The following AASDHPPT variants were observed in gnomAD, a reference collection of about 807,000 sequenced individuals.
AASDHPPT encodes the protein aminoadipate-semialdehyde dehydrogenase-phosphopantetheinyl transferase, also known as L-aminoadipate-semialdehyde dehydrogenase-phosphopantetheinyl transferase.
Under a neutral mutation model 36.4 loss-of-function variants are expected in AASDHPPT, and 23 were observed. That is an observed-to-expected ratio of 0.63 (90% confidence interval 0.45 to 0.89). The LOEUF is 0.89. Among genes scored for constraint, AASDHPPT ranks in the 40% least tolerant of loss-of-function variants. The pLI is 0.00. For synonymous variants in AASDHPPT, 115 were observed against 128.0 expected, an observed-to-expected ratio of 0.90 and a Z score of 0.68; for missense variants, 377 against 378.2, an observed-to-expected ratio of 1.00 and a Z score of 0.03.
At chr11:106,088,176 T>C (rs900225799) in intron 2 of AASDHPPT, among the ~76,000 whole-genome samples, 10 of 152,078 alleles carry the variant, frequency 6.6e-5, no homozygotes, top group African/African-American at 2.4e-4. Context: ...ACATAATGAG[T>C]TATGTGATTG....
chr11:106,096,851 T>C lies in AASDHPPT; in HGVS notation c.874T>C (p.Trp292Arg). 1.2e-6 allele frequency: 2 copies of C among 1,612,108 alleles called. No individual in the cohort carries two copies. The highest frequency in any genetic ancestry group is 1.7e-6 in the Non-Finnish European group (2 of 1,179,174). Residue 292 changes from tryptophan to arginine, a missense_variant, in exon 6 of 6, where the codon TGG becomes CGG. Coordinates refer to ENST00000278618, the MANE Select transcript of AASDHPPT (RefSeq NM_015423.3). The part of the protein sequence containing the change: ...VPMTPEDPSF[W>R]DCFCFTEEIP... The stretch of plus-strand genomic sequence containing the variant: ...CATGACACCTGAAGATCCTTCATTT[T>C]GGGACTGTTTTTGCTTCACAGAAGA...
rs1861324612 is a variant in AASDHPPT, at chr11:106,097,216, T to C, written c.*309T>C. The C allele has an allele frequency of 4.7e-6, 1 of 211,704 alleles. No homozygotes were observed. The allele number at this position is 211,704 out of a possible 1,614,324, so 13.1% of individuals were successfully genotyped here. A position where few individuals can be genotyped will look rare whatever the true frequency, so the allele number is the denominator to read the frequency against. ...AAAAGGAAACATTTAAATGCTATCTTTCAAAGATAACTACTCTTAAAACCT... is the reference window on the plus strand; with the variant it reads ...AAAAGGAAACATTTAAATGCTATCTCTCAAAGATAACTACTCTTAAAACCT... On this transcript the variant is annotated 3_prime_UTR_variant, in exon 6 of 6. Transcript: ENST00000278618.
chr11:106,093,148 T>C (rs528654044), intron 4 of AASDHPPT: 16 of 152,282 alleles, frequency 1.1e-4, no homozygotes, highest in African/African-American at 3.8e-4. Flanking sequence ...GGACTAGATG[T>C]GGTGGTTCAT....
At position 106,094,483 on chromosome 11, in the gene AASDHPPT, T is replaced by G. The variant is rs964864691; in HGVS notation, c.694-100T>G. The G allele has an allele frequency of 3.7e-6, 3 of 816,602 alleles. No individual in the cohort carries two copies. In the African/African-American group the frequency reaches 5.2e-5, roughly 14 times the overall value. 50.6% of individuals were successfully genotyped at this position (816,602 alleles called of 1,614,324 possible). A position where few individuals can be genotyped will look rare whatever the true frequency, so the allele number is the denominator to read the frequency against. ...GTGTGAGTGTACGTATATGTATATA[T>G]ATATAGAGAGAGAGAGAATGAGATT... On this transcript the variant is annotated intron_variant, in intron 4 of 5. Transcript: ENST00000278618.
intron 5 of AASDHPPT, among the ~76,000 whole-genome samples, chr11:106,095,192 T>C (rs1861301029): frequency 6.6e-6 from 1 of 152,144 alleles, no homozygotes; most frequent in Non-Finnish European, 1.5e-5. Flanking sequence ...AAAAAAAATA[T>C]GGTAGTACTA....
chr11:106,080,378 T>C (rs2135035517), intron 2 of AASDHPPT, among the ~76,000 whole-genome samples: 1 of 152,294 alleles, frequency 6.6e-6, no homozygotes, highest in Non-Finnish European at 1.5e-5. Flanking sequence ...TTTTAGCCCA[T>C]TTATGTAAGT....
chr11:106,080,702 A>G (rs1047518708), intron 2 of AASDHPPT, among the ~76,000 whole-genome samples: 11 of 152,216 alleles, frequency 7.2e-5, no homozygotes, highest in Non-Finnish European at 1.5e-4. Flanking sequence ...GGCTAAGAAG[A>G]AAGCTATTAA....
At position 106,094,600 on chromosome 11, in the gene AASDHPPT, G is replaced by C; in HGVS notation, c.711G>C (p.Glu237Asp). ...EWAFEESKIDEHHFVAVALRK... is the reference protein window; with the variant it reads ...EWAFEESKIDDHHFVAVALRK... ...TCTTTCAGGAAAGCAAAATAGATGA[G>C]CACCATTTTGTTGCAGTTGCTCTTA... The change falls in exon 5 of 6, where the codon GAG (glutamate) becomes GAC (aspartate). Residue 237 changes from glutamate to aspartate, a missense_variant. Coordinates refer to ENST00000278618, the MANE Select transcript of AASDHPPT (RefSeq NM_015423.3). 1 of 1,606,984 alleles carries C rather than the reference G, an allele frequency of 6.2e-7. No homozygotes were observed. The highest frequency in any genetic ancestry group is 8.5e-7 in the Non-Finnish European group (1 of 1,176,682).
chr11:106,082,186 G>A (rs907943173), intron 2 of AASDHPPT, among the ~76,000 whole-genome samples: 1 of 152,000 alleles, frequency 6.6e-6, no homozygotes, highest in African/African-American at 2.4e-5. Context: ...TTGTGAAAAA[G>A]CTGTTGCTAT....
At chr11:106,079,291 C>CT (rs1030516655) in intron 1 of AASDHPPT, among the ~76,000 whole-genome samples, 176 bp from the exon 2 acceptor site, 45 of 152,242 alleles carry the variant, frequency 3.0e-4, no homozygotes, top group African/African-American at 1.1e-3. Flanking sequence ...CGGGCTTTAA[C>CT]TTTTTATCTA....
intron 5 of AASDHPPT, among the ~76,000 whole-genome samples, chr11:106,094,900 C>T (rs959989799): frequency 9.9e-5 from 15 of 152,002 alleles, no homozygotes; most frequent in Admixed American, 5.2e-4. Context: ...CTGAGGCAGG[C>T]GGATCACCTG....
chr11:106,092,935 C>T (rs913533437), intron 4 of AASDHPPT: 2 of 152,128 alleles, frequency 1.3e-5, no homozygotes, highest in Non-Finnish European at 2.9e-5. Flanking sequence ...GTATTAAGTG[C>T]ATTTTCCATG....
intron 2 of AASDHPPT, among the ~76,000 whole-genome samples, chr11:106,082,436 G>C (rs1478208657): frequency 1.3e-5 from 2 of 152,170 alleles, no homozygotes; most frequent in African/African-American, 4.8e-5. Flanking sequence ...ACTTAGGAGA[G>C]CAGCAAGGAA....
chr11:106,087,814 C>G (rs1861211816), intron 2 of AASDHPPT, among the ~76,000 whole-genome samples: 1 of 152,082 alleles, frequency 6.6e-6, no homozygotes, highest in South Asian at 2.1e-4. Flanking sequence ...GATGGAAGAT[C>G]AGGTTTTTCT....
intron 2 of AASDHPPT, chr11:106,086,119 C>G (rs1271296975): frequency 1.3e-5 from 2 of 152,198 alleles, no homozygotes; most frequent in African/African-American, 2.4e-5. Context: ...TTAGTTTCTT[C>G]AGGCTGCTTA....
chr11:106,098,298 G>A lies in AASDHPPT; in HGVS notation c.*1391G>A, dbSNP rs757621650. Reference sequence around the variant, plus strand: ...CTGTTCATTGTTTTTACCTGTTTTCGTTTTAGCAAGTAGTACTTAATTTAA... The same window carrying A: ...CTGTTCATTGTTTTTACCTGTTTTCATTTTAGCAAGTAGTACTTAATTTAA... On this transcript the variant is annotated 3_prime_UTR_variant, in exon 6 of 6. Coordinates refer to ENST00000278618, the MANE Select transcript of AASDHPPT (RefSeq NM_015423.3). The A allele has an allele frequency of 2.0e-5, 3 of 151,892 alleles. No homozygotes were observed. The highest frequency in any genetic ancestry group is 6.6e-5 in the Admixed American group (1 of 15,224). 9.4% of individuals were successfully genotyped at this position (151,892 alleles called of 1,614,324 possible).
rs368984781 is a variant in AASDHPPT, at chr11:106,079,439, C to G, written c.184-28C>G. ...CTTGTATCTTTAGTAGACATCAGTA[C>G]ATACCAAATGTTTTATGTACTTAAC... On this transcript the variant is annotated intron_variant, in intron 1 of 5. Coordinates refer to ENST00000278618, the MANE Select transcript of AASDHPPT (RefSeq NM_015423.3). 2.6e-6 allele frequency: 4 copies of G among 1,550,592 alleles called. No individual in the cohort carries two copies. In the East Asian group the frequency reaches 9.4e-5, roughly 37 times the overall value.
chr11:106,088,399 G>A (rs1861219078), intron 2 of AASDHPPT, among the ~76,000 whole-genome samples: 1 of 151,902 alleles, frequency 6.6e-6, no homozygotes, highest in Admixed American at 6.6e-5. Context: ...CAGATTTTTT[G>A]GACATTAATC....
chr11:106,079,824 G>C, intron 2 of AASDHPPT, 132 bp downstream of exon 2: 1 of 696,796 alleles, frequency 1.4e-6, no homozygotes, highest in Non-Finnish European at 2.4e-6. Context: ...GTACACAAAG[G>C]TAATGGAGAG....
Sources: gnomAD v4.1 joint callset for allele counts (sites outside exome capture counted in the v4.1 genomes callset) on GRCh38, gnomAD v4.1.1 for gene constraint, MANE v1.5 for transcripts, NCBI Gene and HGNC (gene_info 2026-07-23, HGNC 2026-07-21) for gene names.